The following CALCA variants were observed in gnomAD, a reference collection of about 807,000 sequenced individuals.
CALCA encodes calcitonin.
In CALCA, 4 loss-of-function variants were observed where a neutral mutation model predicts 6.9. The observed-to-expected ratio is 0.58, with a 90% CI of 0.29 to 1.33. The LOEUF (loss-of-function observed/expected upper bound fraction) is 1.33, where lower values mean the gene tolerates loss of function less well. Among genes scored for constraint, CALCA ranks in the 40% most tolerant of loss-of-function variants. The pLI, the probability that CALCA is intolerant of heterozygous loss-of-function variation, is 0.09. For missense variants in CALCA, 174 were observed against 178.3 expected, an observed-to-expected ratio of 0.98 and a Z score of 0.14; for synonymous variants, 78 against 70.0, an observed-to-expected ratio of 1.11 and a Z score of -0.57.
At chr11:14,969,050 G>A in intron 3 of CALCA, 53 bp from the exon 4 acceptor site, 1 of 1,556,228 alleles carries the variant, frequency 6.4e-7, no homozygotes, top group Non-Finnish European at 8.9e-7. Flanking sequence ...CTGTCCCCAT[G>A]GGCAGTCACT....
intron 1 of CALCA, among the ~76,000 whole-genome samples, chr11:14,971,643 A>T (rs1849608433): frequency 1.3e-5 from 2 of 152,162 alleles, no homozygotes; most frequent in South Asian, 4.1e-4. Flanking sequence ...ATCCACAGAG[A>T]TTATCTCTGC....
intron 1 of CALCA, among the ~76,000 whole-genome samples, chr11:14,971,459 T>G (rs976712451): frequency 6.6e-6 from 1 of 152,090 alleles, no homozygotes; most frequent in African/African-American, 2.4e-5. Flanking sequence ...GGGGGAGGTC[T>G]CAGTCCTACC....
At chr11:14,970,979 A>C in intron 2 of CALCA, 128 bp downstream of exon 2, 1 of 716,298 alleles carries the variant, frequency 1.4e-6, no homozygotes, top group Non-Finnish European at 2.5e-6. Context: ...TATATCAAAA[A>C]ATTATATATG....
downstream of CALCA, chr11:14,968,500 C>T: frequency 7.9e-7 from 1 of 1,272,604 alleles, no homozygotes; most frequent in South Asian, 1.6e-5. Flanking sequence ...CAGCTCAGAT[C>T]TTTGGGGAAA....
intron 3 of CALCA, among the ~76,000 whole-genome samples, chr11:14,969,209 T>C (rs1293492805): frequency 6.6e-6 from 1 of 152,150 alleles, no homozygotes; most frequent in African/African-American, 2.4e-5. Context: ...TGATCTTTTC[T>C]GGCATTCCAC....
chr11:14,968,680 C>A lies in CALCA; in HGVS notation c.*119G>T. The A allele has an allele frequency of 1.9e-6, 3 of 1,609,572 alleles. No homozygotes were observed. Among genetic ancestry groups the A allele is most frequent in the Non-Finnish European group, 1.7e-6 (2 of 1,178,244 alleles). ...CCTCCCATCTGAAGTTTGAGACATC[C>A]TCTGCCACAAGGAAAGCCACCAATA... On this transcript the variant is annotated 3_prime_UTR_variant, in exon 4 of 4. Transcript: ENST00000331587.
chr11:14,970,167 C>G (rs1428416479), intron 2 of CALCA, 92 bp from the exon 3 acceptor site: 1 of 1,552,378 alleles, frequency 6.4e-7, no homozygotes, highest in Non-Finnish European at 8.7e-7. Flanking sequence ...TTTGCTTCTT[C>G]CCCTGAGGAT....
chr11:14,970,449 G>C (rs1208841944), intron 2 of CALCA, among the ~76,000 whole-genome samples: 1 of 152,164 alleles, frequency 6.6e-6, no homozygotes, highest in African/African-American at 2.4e-5. Context: ...TAAAATACCA[G>C]ATTTAACAAT....
At chr11:14,969,381 C>T (rs1001807163) in intron 3 of CALCA, among the ~76,000 whole-genome samples, 6 of 152,072 alleles carry the variant, frequency 3.9e-5, no homozygotes, top group Admixed American at 3.9e-4. Context: ...CTCTCCCTGG[C>T]CTCCTGACAA....
At chr11:14,969,778 C>T (rs1215712932) in intron 3 of CALCA, among the ~76,000 whole-genome samples, 157 bp downstream of exon 3, 1 of 152,200 alleles carries the variant, frequency 6.6e-6, no homozygotes, top group Non-Finnish European at 1.5e-5. Flanking sequence ...ACCTCTGTCT[C>T]CCTTGGAGGC....
rs1178573643 is a variant in CALCA at position 14,970,993 on chromosome 11, A to T, written c.86+114T>A. The T allele has an allele frequency of 3.8e-6, 3 of 796,428 alleles. No homozygotes were observed. The Admixed American group carries it at 5.3e-5, about 14-fold the overall frequency. 49.3% of individuals were successfully genotyped at this position (796,428 alleles called of 1,614,324 possible). ...TTATATCAAAAAATTATATATGTGC[A>T]TGAGTACATACCTTACCCCGGCCCC... On this transcript the variant is annotated intron_variant, in intron 2 of 3. Coordinates refer to ENST00000331587, the MANE Select transcript of CALCA (RefSeq NM_001741.3).
downstream of CALCA, chr11:14,966,806 T>TC (rs1555025446): frequency 6.6e-6 from 1 of 152,594 alleles, no homozygotes; most frequent in Non-Finnish European, 1.5e-5. Flanking sequence ...TGATTTCATG[T>TC]CCCCCTGAGG....
intron 3 of CALCA, 86 bp downstream of exon 3, chr11:14,969,849 G>A: frequency 3.8e-6 from 6 of 1,596,762 alleles, no homozygotes; most frequent in Non-Finnish European, 5.1e-6. Context: ...CCTGGCCAGT[G>A]TGTTCTCTCC....
rs532485273 is a variant in CALCA at position 14,971,200 on chromosome 11, C to T, written c.-8G>A. The T allele has an allele frequency of 3.7e-6, 6 of 1,611,272 alleles. No individual in the cohort carries two copies. The African/African-American group carries it at 5.3e-5, about 14-fold the overall frequency. ...GAACTTTTGGAAGCCCATGACACCT[C>T]TCTGCAAGGGAAGAATGAGATAAAC... is the stretch of plus-strand genomic sequence containing the variant. On this transcript the variant is annotated splice_region_variant and 5_prime_UTR_variant, in exon 2 of 4. Coordinates refer to ENST00000331587, the MANE Select transcript of CALCA (RefSeq NM_001741.3).
intron 2 of CALCA, 77 bp from the exon 3 acceptor site, chr11:14,970,152 T>C: frequency 6.3e-7 from 1 of 1,578,562 alleles, no homozygotes; most frequent in Non-Finnish European, 8.6e-7. Flanking sequence ...CCAGGCTTCC[T>C]GGTCTTTGCT....
At chr11:14,970,171 T>G in intron 2 of CALCA, 96 bp from the exon 3 acceptor site, 1 of 1,541,178 alleles carries the variant, frequency 6.5e-7, no homozygotes, top group Non-Finnish European at 8.8e-7. Context: ...CTTCTTCCCC[T>G]GAGGATGTGG....
intron 1 of CALCA, 99 bp from the exon 2 acceptor site, chr11:14,971,300 G>A (rs1294685658): frequency 1.2e-6 from 1 of 816,338 alleles, no homozygotes; most frequent in Non-Finnish European, 2.2e-6. Flanking sequence ...TGCTTCTAAC[G>A]CTCTGGCTTT....
chr11:14,970,109 GA>G, intron 2 of CALCA, 34 bp from the exon 3 acceptor site: 2 of 1,612,670 alleles, frequency 1.2e-6, no homozygotes, highest in Non-Finnish European at 1.7e-6. Context: ...TGCAGGCTGT[GA>G]GCCCCTGCCT....
downstream of CALCA, chr11:14,968,390 A>T (rs1555025773): frequency 8.0e-6 from 9 of 1,129,038 alleles, no homozygotes; most frequent in Non-Finnish European, 1.0e-5. Context: ...GGGACCACCC[A>T]CCATATCCTC....
Sources: gnomAD v4.1 joint callset for allele counts (sites outside exome capture counted in the v4.1 genomes callset) on GRCh38, gnomAD v4.1.1 for gene constraint, MANE v1.5 for transcripts, NCBI Gene and HGNC (gene_info 2026-07-23, HGNC 2026-07-21) for gene names.